The following ANKRD30BL variants were observed in gnomAD, a reference collection of about 807,000 sequenced individuals.
ANKRD30BL encodes putative ankyrin repeat domain-containing protein 30B-like.
Under a neutral mutation model 18.4 loss-of-function variants are expected in ANKRD30BL, and 20 were observed. That is an observed-to-expected ratio of 1.09 (90% CI 0.77 to 1.58). The LOEUF is 1.58. Among genes scored for constraint, ANKRD30BL ranks in the 40% most tolerant of loss-of-function variants. ANKRD30BL has a pLI of 0.00. For missense variants in ANKRD30BL, 224 were observed against 268.6 expected, an observed-to-expected ratio of 0.83 and a Z score of 1.16; for synonymous variants, 72 against 100.9, an observed-to-expected ratio of 0.71 and a Z score of 1.72.
intron 1 of ANKRD30BL, among the ~76,000 whole-genome samples, chr2:132,234,484 A>G (rs1355276261): frequency 6.6e-6 from 1 of 152,176 alleles, no homozygotes; most frequent in Non-Finnish European, 1.5e-5. Flanking sequence ...AATAGACACA[A>G]TAAAAAATGA....
upstream of ANKRD30BL, among the ~76,000 whole-genome samples, chr2:132,162,768 G>A (rs376381278): frequency 1.3e-5 from 2 of 152,256 alleles, no homozygotes; most frequent in African/African-American, 4.8e-5. Context: ...CTTGGCTCGC[G>A]CCCTGAGCGC....
At chr2:132,172,531 A>T (rs940902271) in intron 1 of ANKRD30BL, among the ~76,000 whole-genome samples, 2 of 152,152 alleles carry the variant, frequency 1.3e-5, no homozygotes, top group Admixed American at 1.3e-4. Context: ...TCTTTAGATA[A>T]TTATCTATTC....
chr2:132,175,753 T>C lies in ANKRD30BL; in HGVS notation n.442-18607A>G, dbSNP rs11900103. ...CATTGTGCCCCTGGTTTATCGAGACTAGAGAATGGCGATGACTTTTACCAA... is the reference window on the plus strand; with the variant it reads ...CATTGTGCCCCTGGTTTATCGAGACCAGAGAATGGCGATGACTTTTACCAA... On this transcript the variant is annotated intron_variant and non_coding_transcript_variant, in intron 1 of 4. Coordinates refer to the ANKRD30BL transcript ENST00000470729. 2.3e-3 allele frequency among the ~76,000 whole-genome samples: 354 copies of C among 152,314 alleles called. 1 individual carries two copies. The highest frequency in any genetic ancestry group is 8.1e-3 in the African/African-American group (337 of 41,576).
chr2:132,238,182 G>A (rs959743890), intron 1 of ANKRD30BL, among the ~76,000 whole-genome samples: 14 of 151,946 alleles, frequency 9.2e-5, no homozygotes, highest in African/African-American at 1.7e-4. Context: ...TGCGATGTGC[G>A]TACTCAACTC....
At chr2:132,229,254 C>T (rs562180664) in intron 1 of ANKRD30BL, among the ~76,000 whole-genome samples, 18 of 151,796 alleles carry the variant, frequency 1.2e-4, no homozygotes, top group South Asian at 4.2e-4. Flanking sequence ...CGAGTGCCTT[C>T]GGGTCTACCG....
chr2:132,243,027 AG>A (rs1680382985), intron 1 of ANKRD30BL, among the ~76,000 whole-genome samples: 1 of 151,606 alleles, frequency 6.6e-6, no homozygotes, highest in South Asian at 2.1e-4. Context: ...GACAGCTTTG[AG>A]GATTTCGTTG....
intron 1 of ANKRD30BL, among the ~76,000 whole-genome samples, chr2:132,170,675 G>A (rs374876258): frequency 2.0e-5 from 3 of 152,056 alleles, no homozygotes; most frequent in East Asian, 3.9e-4. Context: ...TACCTACTAA[G>A]TCCTCCACCT....
chr2:132,204,248 G>C (rs1339611866), intron 1 of ANKRD30BL, among the ~76,000 whole-genome samples: 1 of 151,894 alleles, frequency 6.6e-6, no homozygotes, highest in African/African-American at 2.4e-5. Flanking sequence ...CCTGTTCTGG[G>C]TGTGGCTACA....
chr2:132,245,168 T>G (rs1573888749), intron 1 of ANKRD30BL, among the ~76,000 whole-genome samples: 2 of 152,294 alleles, frequency 1.3e-5, no homozygotes, highest in East Asian at 3.9e-4. Flanking sequence ...ACTCAAAGAG[T>G]TGAATCTTTC....
chr2:132,190,440 T>C (rs1282835532), intron 1 of ANKRD30BL, among the ~76,000 whole-genome samples: 2 of 151,268 alleles, frequency 1.3e-5, no homozygotes, highest in African/African-American at 2.4e-5. Context: ...ATTATGTCTG[T>C]AGGAAGAGTC....
intron 1 of ANKRD30BL, among the ~76,000 whole-genome samples, chr2:132,234,322 G>T (rs1021463765): frequency 1.3e-5 from 2 of 151,824 alleles, no homozygotes; most frequent in African/African-American, 4.8e-5. Context: ...CAGAAGGCAA[G>T]AAATAACTAA....
chr2:132,201,860 T>G (rs984344783), intron 1 of ANKRD30BL, among the ~76,000 whole-genome samples: 4 of 152,186 alleles, frequency 2.6e-5, no homozygotes, highest in African/African-American at 9.7e-5. Context: ...TATTGTGGCA[T>G]TATTCACAAT....
intron 1 of ANKRD30BL, among the ~76,000 whole-genome samples, chr2:132,173,278 G>T (rs1375301082): frequency 6.9e-6 from 1 of 143,918 alleles, no homozygotes; most frequent in Non-Finnish European, 1.5e-5. Flanking sequence ...AGTACTATTT[G>T]TTGTTATTAA....
chr2:132,236,677 G>C (rs1680160412), intron 1 of ANKRD30BL, among the ~76,000 whole-genome samples: 1 of 152,112 alleles, frequency 6.6e-6, no homozygotes, highest in Non-Finnish European at 1.5e-5. Context: ...ACTGTTGGTG[G>C]GACTGTAAAC....
chr2:132,179,999 A>T (rs1688435182), intron 1 of ANKRD30BL, among the ~76,000 whole-genome samples: 1 of 152,164 alleles, frequency 6.6e-6, no homozygotes, highest in African/African-American at 2.4e-5. Flanking sequence ...TATATTAAAT[A>T]AAAAAATTAC....
chr2:132,148,587 C>T (rs1438171024), intron 5 of ANKRD30BL, among the ~76,000 whole-genome samples: 5 of 151,696 alleles, frequency 3.3e-5, no homozygotes, highest in Admixed American at 6.6e-5. Flanking sequence ...TCAGGGTGGT[C>T]CCAAACTCCT....
chr2:132,208,588 ACT>A (rs1239839245), intron 1 of ANKRD30BL, among the ~76,000 whole-genome samples: 1 of 152,088 alleles, frequency 6.6e-6, no homozygotes, highest in Admixed American at 6.6e-5. Flanking sequence ...TAGTGAAGAC[ACT>A]CTGCCTGGAA....
Position 132,161,451 on chromosome 2 carries a change from C to T in ANKRD30BL, c.218+37G>A, listed in dbSNP as rs775259362. The T allele has an allele frequency of 4.0e-5, 57 of 1,429,722 alleles. No homozygotes were observed. In the South Asian group the frequency reaches 6.8e-4, roughly 17 times the overall value. 88.6% of individuals were successfully genotyped at this position (1,429,722 alleles called of 1,614,324 possible). A position where few individuals can be genotyped will look rare whatever the true frequency, so the allele number is the denominator to read the frequency against. On this transcript the variant is annotated intron_variant, in intron 1 of 5. Transcript: ENST00000409867. Reference sequence around the variant, plus strand: ...GGGGCGATCCTCCCACAGCCTCCTCCTCCTCCTGCAGCCCCGGCTCAGGCA... The same window carrying T: ...GGGGCGATCCTCCCACAGCCTCCTCTTCCTCCTGCAGCCCCGGCTCAGGCA...
intron 1 of ANKRD30BL, among the ~76,000 whole-genome samples, chr2:132,224,409 CTT>C (rs1679785453): frequency 6.6e-6 from 1 of 151,050 alleles, no homozygotes; most frequent in African/African-American, 2.4e-5. Flanking sequence ...TTGAAACACT[CTT>C]TGTAGAATCT....
Sources: allele counts gnomAD v4.1 joint callset (sites outside exome capture counted in the v4.1 genomes callset), GRCh38; gene constraint gnomAD v4.1.1; transcripts MANE v1.5; gene names NCBI Gene and HGNC (gene_info 2026-07-23, HGNC 2026-07-21).